CDH4: variants seen among roughly 807,000 people sequenced by gnomAD.
The protein encoded by CDH4 is cadherin-4.
In CDH4, 33 loss-of-function variants were observed where a neutral mutation model predicts 86.0. That is an observed-to-expected ratio of 0.38 (90% CI 0.29 to 0.51). The LOEUF is 0.51. CDH4 is among the 20% of genes least tolerant of loss of function. The pLI, the probability that CDH4 is intolerant of heterozygous loss-of-function variation, is 0.86. For missense variants in CDH4, 1,114 were observed against 1,307.4 expected, an observed-to-expected ratio of 0.85 and a Z score of 2.28; for synonymous variants, 555 against 549.4, an observed-to-expected ratio of 1.01 and a Z score of -0.14.
At chr20:61,853,988 C>T (rs1342936100) in intron 6 of CDH4, among the ~76,000 whole-genome samples, 1 of 152,158 alleles carries the variant, frequency 6.6e-6, no homozygotes, top group African/African-American at 2.4e-5. Context: ...TAAAGTGTGG[C>T]CTAAGCACCA....
chr20:61,914,607 G>A (rs1349967535), intron 9 of CDH4, among the ~76,000 whole-genome samples: 2 of 149,258 alleles, frequency 1.3e-5, no homozygotes, highest in African/African-American at 5.2e-5. Context: ...CCTCAGGCCT[G>A]GGAGGCTTGG....
At chr20:61,437,653 T>C (rs1600682633) in intron 2 of CDH4, 2 of 150,876 alleles carry the variant, frequency 1.3e-5, no homozygotes, top group Non-Finnish European at 3.0e-5. Context: ...AACGAGAGGG[T>C]TTTTCTTTTC....
chr20:61,327,941 G>A (rs2084545326), intron 2 of CDH4, among the ~76,000 whole-genome samples: 2 of 152,128 alleles, frequency 1.3e-5, no homozygotes, highest in African/African-American at 4.8e-5. Flanking sequence ...GGTCAATAAC[G>A]GATCTTAACG....
intron 8 of CDH4, among the ~76,000 whole-genome samples, chr20:61,908,588 T>C (rs1230802687): frequency 6.6e-6 from 1 of 152,184 alleles, no homozygotes; most frequent in Non-Finnish European, 1.5e-5. Flanking sequence ...GCAGACGCGG[T>C]CTGCTGGCCG....
intron 5 of CDH4, among the ~76,000 whole-genome samples, chr20:61,846,531 G>C (rs1251158252): frequency 6.6e-6 from 1 of 152,126 alleles, no homozygotes; most frequent in African/African-American, 2.4e-5. Context: ...CAGAGATAGA[G>C]ATACAGAGAC....
At chr20:61,647,166 A>G (rs1377903768) in intron 2 of CDH4, among the ~76,000 whole-genome samples, 2 of 152,166 alleles carry the variant, frequency 1.3e-5, no homozygotes, top group South Asian at 4.1e-4. Flanking sequence ...AGCGCCAGGC[A>G]CGTGTTCCCA....
chr20:61,636,848 A>G (rs1389363097), intron 2 of CDH4, among the ~76,000 whole-genome samples: 2 of 152,130 alleles, frequency 1.3e-5, no homozygotes, highest in African/African-American at 4.8e-5. Context: ...GGAAGATTCT[A>G]CCACCAGGCT....
chr20:61,375,718 G>A (rs1019246181), intron 2 of CDH4, among the ~76,000 whole-genome samples: 11 of 150,942 alleles, frequency 7.3e-5, no homozygotes, highest in African/African-American at 2.7e-4. Flanking sequence ...GGTGTAGTTT[G>A]TTGATGGTAG....
chr20:61,738,988 T>A (rs932748997), intron 2 of CDH4: 2 of 152,326 alleles, frequency 1.3e-5, no homozygotes, highest in Admixed American at 1.3e-4. Flanking sequence ...GTGATCTGCA[T>A]TGGGGTCGCA....
chr20:61,628,432 T>C (rs565930954), intron 2 of CDH4, among the ~76,000 whole-genome samples: 2 of 152,174 alleles, frequency 1.3e-5, no homozygotes, highest in Admixed American at 1.3e-4. Context: ...TGCCAGCTCA[T>C]TCATTCATTC....
In CDH4 at chr20:61,763,083, C is replaced by T. The variant is rs140998842; in HGVS notation, c.397-9920C>T. On this transcript the variant is annotated intron_variant, in intron 3 of 15. Transcript: ENST00000614565. ...ATCAGTGCAGGACCTGGCCGCTGGG[C>T]GGGATGACAAGTGAGGGATGCCACC... is the stretch of plus-strand genomic sequence containing the variant. Among the ~76,000 whole-genome samples, 501 of 152,300 alleles carry T rather than the reference C, an allele frequency of 3.3e-3. 4 individuals are homozygous for T. The highest frequency in any genetic ancestry group is 0.011 in the African/African-American group (474 of 41,556).
chr20:61,403,487 G>A (rs1252342199), intron 2 of CDH4, among the ~76,000 whole-genome samples: 1 of 152,138 alleles, frequency 6.6e-6, no homozygotes, highest in African/African-American at 2.4e-5. Flanking sequence ...CTAGAGATCC[G>A]GATGTTCTGG....
intron 4 of CDH4, among the ~76,000 whole-genome samples, chr20:61,813,108 A>T (rs142098741): frequency 3.0e-4 from 46 of 152,310 alleles, no homozygotes; most frequent in African/African-American, 1.1e-3. Context: ...TTAAATTATT[A>T]CTGCCAGAGA....
chr20:61,857,458 CA>C (rs201909730), intron 6 of CDH4, among the ~76,000 whole-genome samples: 2 of 150,936 alleles, frequency 1.3e-5, no homozygotes, highest in Non-Finnish European at 1.5e-5. Flanking sequence ...GGGTTCCCTC[CA>C]AAAAAAAACA....
At chr20:61,693,065 T>C (rs2145875092) in intron 2 of CDH4, among the ~76,000 whole-genome samples, 1 of 152,252 alleles carries the variant, frequency 6.6e-6, no homozygotes, top group South Asian at 2.1e-4. Context: ...TATTTTGGGA[T>C]CTACGGGGAC....
chr20:61,615,857 T>C (rs550375601), intron 2 of CDH4, among the ~76,000 whole-genome samples: 1 of 152,188 alleles, frequency 6.6e-6, no homozygotes, highest in Admixed American at 6.5e-5. Context: ...GTTGTGGAAG[T>C]TTCTCTGCCA....
chr20:61,874,589 C>G (rs552025557), intron 7 of CDH4, among the ~76,000 whole-genome samples: 55 of 152,326 alleles, frequency 3.6e-4, no homozygotes, highest in African/African-American at 9.9e-4. Flanking sequence ...TGAAGCTTGT[C>G]AAGTGCAGGC....
At chr20:61,660,447 G>T (rs112952338) in intron 2 of CDH4, among the ~76,000 whole-genome samples, 50 of 152,330 alleles carry the variant, frequency 3.3e-4, no homozygotes, top group Non-Finnish European at 4.6e-4. Context: ...GGCAGGTGAC[G>T]CCGGGACTCG....
At chr20:61,327,083 G>T (rs1425275186) in intron 2 of CDH4, among the ~76,000 whole-genome samples, 4 of 152,104 alleles carry the variant, frequency 2.6e-5, no homozygotes, top group Non-Finnish European at 4.4e-5. Context: ...AGAGGGAAGA[G>T]GTAGCCCTGG....
Sources: allele counts gnomAD v4.1 joint callset (sites outside exome capture counted in the v4.1 genomes callset), GRCh38; gene constraint gnomAD v4.1.1; transcripts MANE v1.5; gene names NCBI Gene and HGNC (gene_info 2026-07-23, HGNC 2026-07-21).